SLC5A8: variants seen among roughly 807,000 people sequenced by gnomAD.
The protein encoded by SLC5A8 is solute carrier family 5 member 8.
SLC5A8 carries 55 observed loss-of-function variants against 71.9 expected under a neutral mutation model. That is an observed-to-expected ratio of 0.77 (90% CI 0.62 to 0.96). SLC5A8 has a LOEUF of 0.96. Ranked by LOEUF, SLC5A8 falls within the 40% of genes least tolerant of loss-of-function variation. The pLI is 0.00. For missense variants in SLC5A8, 701 were observed against 745.3 expected, an observed-to-expected ratio of 0.94 and a Z score of 0.69; for synonymous variants, 307 against 276.1, an observed-to-expected ratio of 1.11 and a Z score of -1.11.
intron 1 of SLC5A8, among the ~76,000 whole-genome samples, chr12:101,207,307 G>A (rs978917332): frequency 2.0e-5 from 3 of 152,164 alleles, no homozygotes; most frequent in Non-Finnish European, 4.4e-5. Flanking sequence ...ATATGTCTAC[G>A]CTGCTTCACA....
At chr12:101,207,564 G>A (rs1472108841) in intron 1 of SLC5A8, among the ~76,000 whole-genome samples, 1 of 152,146 alleles carries the variant, frequency 6.6e-6, no homozygotes. Flanking sequence ...TTGAGTTAAT[G>A]TTGTAGCCCC....
chr12:101,174,663 A>G (rs1204106789), intron 10 of SLC5A8, among the ~76,000 whole-genome samples: 1 of 152,182 alleles, frequency 6.6e-6, no homozygotes, highest in African/African-American at 2.4e-5. Context: ...ATGTAGTATC[A>G]GCCCTGCAAG....
intron 3 of SLC5A8, among the ~76,000 whole-genome samples, chr12:101,195,880 T>C (rs1869154465): frequency 6.6e-6 from 1 of 151,982 alleles, no homozygotes; most frequent in Non-Finnish European, 1.5e-5. Flanking sequence ...GTACTTTTAG[T>C]AGAGACGGGT....
chr12:101,184,155 C>G lies in SLC5A8; in HGVS notation c.1031G>C (p.Cys344Ser), dbSNP rs1405338307. The G allele has an allele frequency of 3.1e-6, 5 of 1,613,982 alleles. No homozygotes were observed. Among genetic ancestry groups the G allele is most frequent in the Admixed American group, 3.3e-5 (2 of 60,010 alleles). The change falls in exon 8 of 15, where the codon TGT becomes TCT. Residue 344 changes from cysteine to serine, a missense_variant. Cys to Ser is a moderately radical substitution (Grantham distance 112). Transcript: ENST00000536262. ...ATACCTTAATGTCCCACTGTAAGCA[C>G]AGGCCACAAAAAGTCCAGGAAGTCC... The part of the protein sequence containing the change: ...YPGLPGLFVA[C>S]AYSGTLSTVS...
At chr12:101,187,759 C>A (rs140879130) in intron 6 of SLC5A8, among the ~76,000 whole-genome samples, 1 of 151,700 alleles carries the variant, frequency 6.6e-6, no homozygotes, top group African/African-American at 2.4e-5. Flanking sequence ...AGTGTATGCT[C>A]GTGGTCGGAG....
At chr12:101,158,594 C>A (rs867109742) in intron 13 of SLC5A8, among the ~76,000 whole-genome samples, 791 of 20,418 alleles carry the variant, frequency 0.039, 2 homozygotes, top group African/African-American at 0.062. Flanking sequence ...CTCTCTCTCT[C>A]TCTCTATATA....
chr12:101,158,596 C>CTATA (rs1416083451), intron 13 of SLC5A8, among the ~76,000 whole-genome samples: 12 of 17,700 alleles, frequency 6.8e-4, no homozygotes, highest in Admixed American at 2.6e-3. Flanking sequence ...CTCTCTCTCT[C>CTATA]TCTATATATA....
At chr12:101,193,207 A>G (rs1225794314) in intron 5 of SLC5A8, among the ~76,000 whole-genome samples, 1 of 152,114 alleles carries the variant, frequency 6.6e-6, no homozygotes, top group African/African-American at 2.4e-5. Flanking sequence ...TCCTGGCCTC[A>G]GGTGATCCAC....
rs1373468404 is a variant in SLC5A8 at position 101,184,138 on chromosome 12, A to C, written c.1048T>G (p.Leu350Val). The change falls in exon 8 of 15, where the codon TTA (leucine) becomes GTA (valine). Residue 350 changes from leucine to valine, a missense_variant. By Grantham distance (32) the Leu-to-Val change is conservative. Coordinates refer to ENST00000536262, the MANE Select transcript of SLC5A8 (RefSeq NM_145913.5). ...LFVACAYSGT[L>V]STVSSSINAL... ...TATTAGAGTCATAGTTCATACCTTA[A>C]TGTCCCACTGTAAGCACAGGCCACA... 1 of 1,613,462 alleles carries C rather than the reference A, an allele frequency of 6.2e-7. No individual in the cohort carries two copies. Among genetic ancestry groups the C allele is most frequent in the Non-Finnish European group, 8.5e-7 (1 of 1,179,486 alleles).
chr12:101,194,181 G>C (rs1288704215), intron 4 of SLC5A8, among the ~76,000 whole-genome samples: 2 of 152,132 alleles, frequency 1.3e-5, no homozygotes, highest in Non-Finnish European at 2.9e-5. Context: ...ATATTTAATT[G>C]GTTTTCACTC....
chr12:101,166,785 G>A, intron 11 of SLC5A8, 86 bp from the exon 12 acceptor site: 3 of 1,238,218 alleles, frequency 2.4e-6, no homozygotes, highest in South Asian at 1.6e-5. Context: ...GTTCAACATG[G>A]CACGAAATTA....
chr12:101,188,468 C>T (rs571154800), intron 6 of SLC5A8, among the ~76,000 whole-genome samples: 192 of 152,222 alleles, frequency 1.3e-3, no homozygotes, highest in African/African-American at 4.2e-3. Context: ...TCCCAACCCC[C>T]GCAGGAAGTC....
chr12:101,205,243 A>G (rs1341020575), intron 1 of SLC5A8, among the ~76,000 whole-genome samples: 4 of 152,162 alleles, frequency 2.6e-5, no homozygotes, highest in African/African-American at 7.2e-5. Context: ...GTCCTTTCCA[A>G]GGCTTGCTTA....
intron 5 of SLC5A8, among the ~76,000 whole-genome samples, chr12:101,191,299 G>C (rs964119220): frequency 6.6e-6 from 1 of 152,170 alleles, no homozygotes; most frequent in African/African-American, 2.4e-5. Context: ...TTTTTTACTG[G>C]AAGGAATGAT....
At chr12:101,193,974 A>G (rs568649706) in intron 4 of SLC5A8, among the ~76,000 whole-genome samples, 195 bp from the exon 5 acceptor site, 1 of 152,338 alleles carries the variant, frequency 6.6e-6, no homozygotes, top group Non-Finnish European at 1.5e-5. Flanking sequence ...ACATAAGCAG[A>G]GGCAAAGATG....
chr12:101,161,466 A>T (rs1317740420), intron 13 of SLC5A8, among the ~76,000 whole-genome samples: 1 of 152,170 alleles, frequency 6.6e-6, no homozygotes, highest in African/African-American at 2.4e-5. Context: ...CACACTTTTT[A>T]AAAAATGATA....
At chr12:101,171,241 C>T (rs2051826745) in intron 10 of SLC5A8, among the ~76,000 whole-genome samples, 1 of 152,166 alleles carries the variant, frequency 6.6e-6, no homozygotes, top group African/African-American at 2.4e-5. Context: ...AAAATTGCAT[C>T]GTGCTGAGGT....
intron 7 of SLC5A8, 105 bp downstream of exon 7, chr12:101,187,281 T>A (rs1408174893): frequency 1.6e-6 from 2 of 1,240,440 alleles, no homozygotes; most frequent in Non-Finnish European, 2.2e-6. Context: ...GATGATGGCA[T>A]GTCCACTTTC....
At position 101,182,786 on chromosome 12, in the gene SLC5A8, TG is replaced by T. The variant is rs1457023413; in HGVS notation, c.1165+16del. 1 of 1,528,496 alleles carries T rather than the reference TG, an allele frequency of 6.5e-7. No homozygotes were observed. The highest frequency in any genetic ancestry group is 8.9e-7 in the Non-Finnish European group (1 of 1,124,386). 94.7% of individuals were successfully genotyped at this position (1,528,496 alleles called of 1,614,324 possible). On this transcript the variant is annotated intron_variant, in intron 9 of 14. Coordinates refer to ENST00000536262, the MANE Select transcript of SLC5A8 (RefSeq NM_145913.5). The stretch of plus-strand genomic sequence containing the variant: ...ATCTCTCTGAGCTAAAATGGAATTA[TG>T]AAAACAGAAACTTACTCATTCCTTG...
Sources: gnomAD v4.1 joint callset for allele counts (sites outside exome capture counted in the v4.1 genomes callset) on GRCh38, gnomAD v4.1.1 for gene constraint, MANE v1.5 for transcripts, NCBI Gene and HGNC (gene_info 2026-07-23, HGNC 2026-07-21) for gene names.